Variants in ZNF385D observed in about 807,000 individuals in gnomAD.
ZNF385D encodes the protein zinc finger protein 385D.
A neutral mutation model predicts 35.8 loss-of-function variants in ZNF385D; 15 were observed. That is an observed-to-expected ratio of 0.42 (90% CI 0.28 to 0.64). The LOEUF (loss-of-function observed/expected upper bound fraction) is 0.64, where lower values mean the gene tolerates loss of function less well. Among genes scored for constraint, ZNF385D ranks in the 30% least tolerant of loss-of-function variants. ZNF385D has a pLI of 0.23. For synonymous variants in ZNF385D, 212 were observed against 186.8 expected, an observed-to-expected ratio of 1.13 and a Z score of -1.10; for missense variants, 474 against 494.6, an observed-to-expected ratio of 0.96 and a Z score of 0.39.
At chr3:21,560,431 G>A (rs931837040) in intron 3 of ZNF385D, among the ~76,000 whole-genome samples, 1 of 152,172 alleles carries the variant, frequency 6.6e-6, no homozygotes, top group Non-Finnish European at 1.5e-5. Flanking sequence ...GTTTGCTAGA[G>A]GTCCACTCCA....
At chr3:22,046,633 G>C (rs1301656668) in intron 3 of ZNF385D, among the ~76,000 whole-genome samples, 1 of 151,800 alleles carries the variant, frequency 6.6e-6, no homozygotes, top group Non-Finnish European at 1.5e-5. Context: ...CAAATATATT[G>C]AGATTTATTG....
At chr3:21,828,693 C>A (rs1694808049) in intron 3 of ZNF385D, among the ~76,000 whole-genome samples, 1 of 152,184 alleles carries the variant, frequency 6.6e-6, no homozygotes, top group African/African-American at 2.4e-5. Flanking sequence ...TTACTACAAC[C>A]TTAGTGGCTT....
intron 2 of ZNF385D, among the ~76,000 whole-genome samples, chr3:22,343,924 C>T (rs1695535203): frequency 6.6e-6 from 1 of 151,958 alleles, no homozygotes; most frequent in East Asian, 1.9e-4. Context: ...CATTTTACCA[C>T]ATCCATTAAA....
At chr3:21,941,470 T>C (rs1354681242) in intron 3 of ZNF385D, among the ~76,000 whole-genome samples, 2 of 151,224 alleles carry the variant, frequency 1.3e-5, no homozygotes, top group Non-Finnish European at 2.9e-5. Context: ...ATGGTCTTTT[T>C]CCATTTTAAT....
intron 3 of ZNF385D, among the ~76,000 whole-genome samples, chr3:21,819,193 G>C (rs1034070750): frequency 6.6e-6 from 1 of 151,366 alleles, no homozygotes; most frequent in Admixed American, 6.6e-5. Context: ...AAATAGAAAA[G>C]AAAAAAGAAA....
chr3:21,535,053 A>T (rs1250671952), intron 3 of ZNF385D, among the ~76,000 whole-genome samples: 7 of 152,142 alleles, frequency 4.6e-5, no homozygotes, highest in Admixed American at 4.6e-4. Context: ...CAACAGGAAT[A>T]TAATATCTTC....
chr3:21,753,694 T>C (rs1185885516), upstream of ZNF385D, among the ~76,000 whole-genome samples: 2 of 152,234 alleles, frequency 1.3e-5, no homozygotes, highest in African/African-American at 2.4e-5. Flanking sequence ...GTTTTAATTG[T>C]ATACTTTTTC....
At chr3:22,069,479 T>A (rs1700125614) in intron 3 of ZNF385D, among the ~76,000 whole-genome samples, 1 of 152,162 alleles carries the variant, frequency 6.6e-6, no homozygotes, top group Non-Finnish European at 1.5e-5. Flanking sequence ...GCATAGGCAA[T>A]ATAAAGGTAA....
At chr3:22,079,443 A>C (rs1013858913) in intron 3 of ZNF385D, among the ~76,000 whole-genome samples, 1 of 151,918 alleles carries the variant, frequency 6.6e-6, no homozygotes, top group Admixed American at 6.6e-5. Flanking sequence ...TATAATTCTA[A>C]ATGGAGGGGT....
At chr3:21,918,853 T>A (rs1351323) in intron 3 of ZNF385D, among the ~76,000 whole-genome samples, 81,300 of 151,994 alleles carry the variant, frequency 0.53, 23,807 homozygotes, top group South Asian at 0.66. Flanking sequence ...ATCTCGTGAT[T>A]TTAATCAATG....
chr3:22,239,694 G>A (rs1296225969), intron 2 of ZNF385D, among the ~76,000 whole-genome samples: 2 of 150,852 alleles, frequency 1.3e-5, no homozygotes, highest in Non-Finnish European at 2.9e-5. Context: ...AATAAACAGT[G>A]TGCTAGCCAA....
chr3:21,820,313 A>G (rs1056583848), intron 3 of ZNF385D, among the ~76,000 whole-genome samples: 2 of 151,852 alleles, frequency 1.3e-5, no homozygotes, highest in Admixed American at 1.3e-4. Flanking sequence ...GAGATAAATA[A>G]AAAGAAGAAC....
chr3:22,203,735 C>A lies in ZNF385D; in HGVS notation c.107-34700G>T, dbSNP rs141658188. On this transcript the variant is annotated intron_variant, in intron 2 of 5. Transcript: ENST00000494108. ...CCGGTGGTTGTGGTGGACATGGAAGCAGACTCCTCTGCCAGGGAAAGGAAA... is the reference window on the plus strand; with the variant it reads ...CCGGTGGTTGTGGTGGACATGGAAGAAGACTCCTCTGCCAGGGAAAGGAAA... 4.3e-3 allele frequency among the ~76,000 whole-genome samples: 653 copies of A among 152,180 alleles called. 4 individuals are homozygous for A. Among genetic ancestry groups the A allele is most frequent in the South Asian group, 0.014 (68 of 4,814 alleles).
intron 1 of ZNF385D, among the ~76,000 whole-genome samples, chr3:21,739,697 C>T (rs2069418506): frequency 6.6e-6 from 1 of 152,180 alleles, no homozygotes; most frequent in African/African-American, 2.4e-5. Flanking sequence ...TTAAAAGCTG[C>T]CCTCCTTGTA....
At chr3:21,778,215 C>G (rs1432580358) in intron 3 of ZNF385D, among the ~76,000 whole-genome samples, 1 of 151,864 alleles carries the variant, frequency 6.6e-6, no homozygotes, top group Non-Finnish European at 1.5e-5. Flanking sequence ...TTTTCTCAGG[C>G]TCTTGTTTAC....
chr3:21,650,494 A>AT (rs1314506451), intron 2 of ZNF385D, among the ~76,000 whole-genome samples: 2 of 152,148 alleles, frequency 1.3e-5, no homozygotes, highest in Non-Finnish European at 2.9e-5. Context: ...ACGTGCATTT[A>AT]TTTTTTATTA....
chr3:22,194,148 CTT>C (rs1251037800), intron 2 of ZNF385D, among the ~76,000 whole-genome samples: 1 of 149,966 alleles, frequency 6.7e-6, no homozygotes, highest in Non-Finnish European at 1.5e-5. Flanking sequence ...TTTATAATCT[CTT>C]ATGTTTAGTA....
At chr3:21,505,382 C>A (rs956378870) in intron 4 of ZNF385D, among the ~76,000 whole-genome samples, 13 of 100,760 alleles carry the variant, frequency 1.3e-4, no homozygotes, top group African/African-American at 2.3e-4. Context: ...GGAACAGACT[C>A]TTTGTGGCAA....
intron 3 of ZNF385D, among the ~76,000 whole-genome samples, chr3:22,011,309 GA>G (rs951142577): frequency 1.3e-5 from 2 of 151,522 alleles, no homozygotes; most frequent in African/African-American, 4.8e-5. Flanking sequence ...TCTTATTTTA[GA>G]AAAAAAAGAT....
Sources: gnomAD v4.1 joint callset for allele counts (sites outside exome capture counted in the v4.1 genomes callset) on GRCh38, gnomAD v4.1.1 for gene constraint, MANE v1.5 for transcripts, NCBI Gene and HGNC (gene_info 2026-07-23, HGNC 2026-07-21) for gene names.